Variants in LRRK2 observed in about 807,000 individuals in gnomAD.
LRRK2 encodes leucine-rich repeat serine/threonine-protein kinase 2.
In LRRK2, 203 loss-of-function variants were observed where a neutral mutation model predicts 302.6. The observed-to-expected ratio is 0.67, with a 90% confidence interval of 0.60 to 0.75. LRRK2 has a LOEUF of 0.75. Among genes scored for constraint, LRRK2 ranks in the 30% least tolerant of loss-of-function variants. The probability of loss-of-function intolerance (pLI) is 0.00; values close to 1 mark genes in which losing one functional copy is unlikely to be tolerated. For missense variants in LRRK2, 2,830 were observed against 2,951.0 expected (o/e 0.96, Z 0.95); for synonymous variants, 1,066 against 1,031.9 (o/e 1.03, Z -0.63).
chr12:40,278,646 C>A (rs1943560165), intron 18 of LRRK2, among the ~76,000 whole-genome samples: 1 of 152,128 alleles, frequency 6.6e-6, no homozygotes, highest in Non-Finnish European at 1.5e-5. Context: ...AAGTTCTCCC[C>A]TGAGGGCTAC....
intron 11 of LRRK2, 102 bp downstream of exon 11, chr12:40,253,118 C>G: frequency 1.3e-6 from 1 of 744,326 alleles, no homozygotes; most frequent in Non-Finnish European, 2.3e-6. Flanking sequence ...ATTTATAAAG[C>G]TATATATTGT....
Position 40,232,343 on chromosome 12 carries a change from C to T in LRRK2, c.307C>T (p.Gln103Ter). The change falls in exon 3 of 51, where the codon CAG (glutamine) becomes TAG (stop). Residue 103 changes from glutamine to a stop codon, truncating the protein, a stop_gained. Transcript: ENST00000298910. LOFTEE classifies it high-confidence loss of function. Reference protein sequence around the residue: ...PGTMQSLMGPQDVGNDWEVLG... With the variant: ...PGTMQSLMGP Reference sequence around the variant, plus strand: ...TACAATGCAAAGCTTAATGGGACCCCAGGATGTTGGAAATGATTGGGAAGT... The same window carrying T: ...TACAATGCAAAGCTTAATGGGACCCTAGGATGTTGGAAATGATTGGGAAGT... The T allele has an allele frequency of 6.2e-7, 1 of 1,614,012 alleles. No individual in the cohort carries two copies. The highest frequency in any genetic ancestry group is 8.5e-7 in the Non-Finnish European group (1 of 1,179,984).
chr12:40,343,180 G>A (rs1280693571), intron 41 of LRRK2, among the ~76,000 whole-genome samples: 2 of 152,214 alleles, frequency 1.3e-5, no homozygotes, highest in African/African-American at 4.8e-5. Context: ...CCATGGTGCT[G>A]TGTCTGTCCA....
chr12:40,316,039 G>A (rs1592278233), intron 33 of LRRK2, among the ~76,000 whole-genome samples: 1 of 151,996 alleles, frequency 6.6e-6, no homozygotes, highest in South Asian at 2.1e-4. Flanking sequence ...GCTGTGACAA[G>A]CAAAAATGTA....
intron 18 of LRRK2, among the ~76,000 whole-genome samples, chr12:40,279,698 TC>T (rs1943605969): frequency 6.6e-6 from 1 of 152,258 alleles, no homozygotes; most frequent in Non-Finnish European, 1.5e-5. Context: ...TCCAAATCTT[TC>T]TACCCAACAG....
chr12:40,264,078 T>C (rs769008383), intron 14 of LRRK2, among the ~76,000 whole-genome samples, 177 bp downstream of exon 14: 5 of 152,168 alleles, frequency 3.3e-5, no homozygotes, highest in Non-Finnish European at 5.9e-5. Context: ...AGATATGTAC[T>C]AAGCTAAGTC....
chr12:40,288,260 T>C (rs992352111), intron 20 of LRRK2, among the ~76,000 whole-genome samples: 6 of 151,856 alleles, frequency 4.0e-5, no homozygotes, highest in African/African-American at 1.4e-4. Context: ...TATATACATA[T>C]ATAATTTATA....
intron 40 of LRRK2, 150 bp from the exon 41 acceptor site, chr12:40,340,144 C>T (rs1945994456): frequency 4.1e-6 from 3 of 737,004 alleles, no homozygotes; most frequent in Non-Finnish European, 6.7e-6. Flanking sequence ...TTTTGATTTC[C>T]TTCTACAATA....
intron 42 of LRRK2, among the ~76,000 whole-genome samples, chr12:40,348,158 A>G (rs943962724): frequency 3.3e-5 from 5 of 151,996 alleles, no homozygotes; most frequent in African/African-American, 1.2e-4. Context: ...CAGAATGAAA[A>G]TCTGTTATTT....
intron 45 of LRRK2, 66 bp from the exon 46 acceptor site, chr12:40,356,049 A>G: frequency 9.9e-7 from 1 of 1,012,768 alleles, no homozygotes; most frequent in Admixed American, 2.0e-5. Context: ...GTGGAGGAGA[A>G]CATTAAGGCC....
chr12:40,367,490 T>G, intron 50 of LRRK2, 154 bp from the exon 51 acceptor site: 2 of 599,348 alleles, frequency 3.3e-6, no homozygotes, highest in Non-Finnish European at 5.2e-6. Context: ...CCAAGTATAG[T>G]TTTTTATAAA....
In LRRK2 at chr12:40,320,010, G is replaced by A. The variant is rs556988678; in HGVS notation, c.4850G>A (p.Gly1617Asp). 6.2e-7 allele frequency: 1 copy of A among 1,610,056 alleles called. No homozygotes were observed. The highest frequency in any genetic ancestry group is 2.2e-5 in the East Asian group (1 of 44,794). The change falls in exon 34 of 51, where the codon GGT (glycine) becomes GAT (aspartate). Residue 1617 changes from glycine (G) to aspartate (D), a missense_variant. Physicochemically the swap from Gly to Asp is moderately conservative, Grantham distance 94. Around this residue, in one of 3 missense-constraint regions of LRRK2, gnomAD observed 2,121 missense variants for 2,148.0 expected, o/e 0.99. Coordinates refer to ENST00000298910, the MANE Select transcript of LRRK2 (RefSeq NM_198578.4). ...CAGATTTTGACAGTGAAAGTGGAAG[G>A]TTGTCCAAAACACCCTAAGGGCATT... is the stretch of plus-strand genomic sequence containing the variant. ...MAQILTVKVEGCPKHPKGIIS... is the reference protein window; with the variant it reads ...MAQILTVKVEDCPKHPKGIIS...
In LRRK2 at chr12:40,271,452, A is replaced by G. The variant is rs113556901; in HGVS notation, c.1657-3131A>G. Among the ~76,000 whole-genome samples the G allele has an allele frequency of 3.2e-3, 483 of 152,260 alleles. 5 individuals are homozygous for G. The highest frequency in any genetic ancestry group is 0.01 in the African/African-American group (426 of 41,548). Reference sequence around the variant, plus strand: ...CATTGGAGAAACCATTTCAATATTTATGGATTCTCTGAAAAAAACTTGGAG... The same window carrying G: ...CATTGGAGAAACCATTTCAATATTTGTGGATTCTCTGAAAAAAACTTGGAG... On this transcript the variant is annotated intron_variant, in intron 14 of 50. Transcript: ENST00000298910.
intron 47 of LRRK2, among the ~76,000 whole-genome samples, chr12:40,363,064 AATATTTCCTTCAGAAATTTAGATATAGT>A (rs1946762496): frequency 6.6e-6 from 1 of 152,080 alleles, no homozygotes; most frequent in Admixed American, 6.6e-5. Flanking sequence ...TTACAGATAT[AATATTTCCTTCAGAAATTTAGATATAGT>A]ACAAAATTCT....
Position 40,225,022 on chromosome 12 carries a change from G to C in LRRK2, c.-110G>C, listed in dbSNP as rs1404150237. On this transcript the variant is annotated 5_prime_UTR_variant, in exon 1 of 51. Coordinates refer to ENST00000298910, the MANE Select transcript of LRRK2 (RefSeq NM_198578.4). The stretch of plus-strand genomic sequence containing the variant: ...GGGGCCCGCGGGGAGCGCTGGCTGC[G>C]GGCGGTGAGCTGAGCTCGCCCCCGG... 7.8e-6 allele frequency: 11 copies of C among 1,413,998 alleles called. No individual in the cohort carries two copies. Among genetic ancestry groups the C allele is most frequent in the Non-Finnish European group, 1.1e-5 (11 of 1,023,342 alleles). 87.6% of individuals were successfully genotyped at this position (1,413,998 alleles called of 1,614,324 possible). A position where few individuals can be genotyped will look rare whatever the true frequency, so the allele number is the denominator to read the frequency against.
At chr12:40,248,705 A>G (rs1023169043) in intron 7 of LRRK2, among the ~76,000 whole-genome samples, 7 of 152,208 alleles carry the variant, frequency 4.6e-5, no homozygotes, top group African/African-American at 1.4e-4. Flanking sequence ...GTATTTTCAC[A>G]CAAGTTACCT....
chr12:40,271,141 T>C (rs948498759), intron 14 of LRRK2, among the ~76,000 whole-genome samples: 3 of 152,144 alleles, frequency 2.0e-5, no homozygotes, highest in Non-Finnish European at 2.9e-5. Flanking sequence ...AGTCATATGA[T>C]GTTGGATCTC....
chr12:40,318,957 A>C (rs1030310073), intron 33 of LRRK2, among the ~76,000 whole-genome samples: 9 of 152,126 alleles, frequency 5.9e-5, no homozygotes, highest in African/African-American at 2.2e-4. Flanking sequence ...TAAATACTGT[A>C]CATACAAAAT....
At chr12:40,240,188 C>T (rs1941661873) in intron 5 of LRRK2, among the ~76,000 whole-genome samples, 1 of 152,088 alleles carries the variant, frequency 6.6e-6, no homozygotes, top group South Asian at 2.1e-4. Context: ...CTAGAATTTC[C>T]CAAATGAAAT....
Sources: allele counts gnomAD v4.1 joint callset (sites outside exome capture counted in the v4.1 genomes callset), GRCh38; gene constraint gnomAD v4.1.1; regional missense constraint gnomAD v4.1.1; transcripts MANE v1.5; gene names NCBI Gene and HGNC (gene_info 2026-07-23, HGNC 2026-07-21).